The following AGMO variants were observed in gnomAD, a reference collection of about 807,000 sequenced individuals.
AGMO encodes the protein alkylglycerol monooxygenase, also known as glyceryl-ether monooxygenase.
In AGMO, 75 loss-of-function variants were observed where a neutral mutation model predicts 60.2. The observed-to-expected ratio is 1.25, with a 90% CI of 1.03 to 1.51. The LOEUF (loss-of-function observed/expected upper bound fraction) is 1.51, where lower values mean the gene tolerates loss of function less well. AGMO is among the 40% of genes most tolerant of loss of function. The pLI is 0.00. For missense variants in AGMO, 763 were observed against 525.5 expected (o/e 1.45, Z -4.42); for synonymous variants, 261 against 177.1 (o/e 1.47, Z -3.76).
At chr7:15,207,111 C>T (rs1479064214) in intron 12 of AGMO, among the ~76,000 whole-genome samples, 2 of 152,150 alleles carry the variant, frequency 1.3e-5, no homozygotes, top group Non-Finnish European at 2.9e-5. Context: ...TCAACTATCA[C>T]GATAACATTT....
At chr7:15,474,033 T>A (rs1437941651) in intron 3 of AGMO, among the ~76,000 whole-genome samples, 1 of 152,082 alleles carries the variant, frequency 6.6e-6, no homozygotes, top group African/African-American at 2.4e-5. Flanking sequence ...TACAAACCAC[T>A]GCTCAAGGAA....
intron 12 of AGMO, among the ~76,000 whole-genome samples, chr7:15,299,404 T>C (rs1784494541): frequency 6.6e-6 from 1 of 152,160 alleles, no homozygotes; most frequent in Non-Finnish European, 1.5e-5. Flanking sequence ...TCTGAACACC[T>C]TGAGAGAAAA....
Position 15,562,000 on chromosome 7 carries a change from G to T in AGMO, c.-155C>A, listed in dbSNP as rs1785324982. ...TCCACTGAGAGCACACTCAACAGCC[G>T]ATTCTGTGTAGAGAGACAGGAAAAT... On this transcript the variant is annotated 5_prime_UTR_variant, in exon 1 of 13. Coordinates refer to ENST00000342526, the MANE Select transcript of AGMO (RefSeq NM_001004320.2). 1.6e-6 allele frequency: 1 copy of T among 633,876 alleles called. No individual in the cohort carries two copies. The highest frequency in any genetic ancestry group is 3.0e-5 in the East Asian group (1 of 33,788). The allele number at this position is 633,876 out of a possible 1,614,324, so 39.3% of individuals were successfully genotyped here.
At chr7:15,478,398 A>C (rs1275127528) in intron 3 of AGMO, among the ~76,000 whole-genome samples, 1 of 152,184 alleles carries the variant, frequency 6.6e-6, no homozygotes, top group Non-Finnish European at 1.5e-5. Flanking sequence ...GAATCACTGA[A>C]AATACATTGA....
At chr7:15,466,727 T>C (rs1485272986) in intron 3 of AGMO, among the ~76,000 whole-genome samples, 3 of 152,098 alleles carry the variant, frequency 2.0e-5, no homozygotes, top group Non-Finnish European at 2.9e-5. Context: ...CGCTAAGGAG[T>C]TAAAGAAATT....
At chr7:15,388,864 G>A (rs1470469096) in intron 8 of AGMO, among the ~76,000 whole-genome samples, 1 of 152,164 alleles carries the variant, frequency 6.6e-6, no homozygotes, top group Non-Finnish European at 1.5e-5. Flanking sequence ...AAGTAAACAT[G>A]TAGAAGAGTA....
chr7:15,279,886 G>C (rs996894372), intron 12 of AGMO, among the ~76,000 whole-genome samples: 2 of 152,208 alleles, frequency 1.3e-5, no homozygotes, highest in Admixed American at 1.3e-4. Context: ...AGCAACAGTA[G>C]GGAGAGCCTT....
intron 10 of AGMO, among the ~76,000 whole-genome samples, chr7:15,379,865 T>A (rs1307791059): frequency 1.3e-5 from 2 of 152,086 alleles, no homozygotes; most frequent in Non-Finnish European, 2.9e-5. Context: ...CATACACAAA[T>A]CAGTCAATGT....
At chr7:15,484,939 G>C (rs922023483) in intron 3 of AGMO, among the ~76,000 whole-genome samples, 4 of 152,068 alleles carry the variant, frequency 2.6e-5, no homozygotes, top group African/African-American at 9.7e-5. Flanking sequence ...GGGTAGATGA[G>C]AAGTTCTAAG....
At chr7:15,355,719 A>G (rs1218019164) in intron 12 of AGMO, among the ~76,000 whole-genome samples, 1 of 152,126 alleles carries the variant, frequency 6.6e-6, no homozygotes, top group Non-Finnish European at 1.5e-5. Flanking sequence ...TGGATGGTAT[A>G]ATAGTACCAT....
At chr7:15,356,713 A>C (rs1163963658) in intron 12 of AGMO, among the ~76,000 whole-genome samples, 1 of 151,884 alleles carries the variant, frequency 6.6e-6, no homozygotes, top group Non-Finnish European at 1.5e-5. Context: ...AAATGTATCT[A>C]ATTTAATATC....
At chr7:15,167,393 G>C in the AGMO span, among the ~76,000 whole-genome samples, 17 of 152,218 alleles carry the variant, frequency 1.1e-4, no homozygotes, top group East Asian at 1.7e-3. Context: ...GGATTATGAA[G>C]AGACTTATAT....
chr7:15,293,770 A>G (rs956859897), intron 12 of AGMO, among the ~76,000 whole-genome samples: 1 of 152,306 alleles, frequency 6.6e-6, no homozygotes, highest in Non-Finnish European at 1.5e-5. Context: ...TATTAAACTA[A>G]TATTTTATGC....
intron 10 of AGMO, among the ~76,000 whole-genome samples, chr7:15,381,888 G>A (rs1783707230): frequency 2.0e-5 from 3 of 152,114 alleles, no homozygotes; most frequent in African/African-American, 7.2e-5. Context: ...GGATGGAGCT[G>A]GAGGCCATTA....
chr7:15,552,229 C>A (rs1280997417), intron 2 of AGMO, among the ~76,000 whole-genome samples: 1 of 152,106 alleles, frequency 6.6e-6, no homozygotes, highest in Non-Finnish European at 1.5e-5. Flanking sequence ...AGAAGAAAAC[C>A]TAGGCATTAC....
At chr7:15,144,817 T>G in the AGMO span, among the ~76,000 whole-genome samples, 1 of 152,140 alleles carries the variant, frequency 6.6e-6, no homozygotes, top group South Asian at 2.1e-4. Context: ...GTAACTTTTC[T>G]TTTTGTTTGT....
At chr7:15,418,123 A>G (rs888482588) in intron 5 of AGMO, among the ~76,000 whole-genome samples, 9 of 152,104 alleles carry the variant, frequency 5.9e-5, no homozygotes, top group African/African-American at 2.2e-4. Context: ...TTTTCCAATC[A>G]AAAATTATTT....
chr7:15,376,415 C>T (rs1434525677), intron 10 of AGMO, among the ~76,000 whole-genome samples: 10 of 151,778 alleles, frequency 6.6e-5, no homozygotes, highest in Non-Finnish European at 1.5e-4. Flanking sequence ...TATTAAAAAA[C>T]GCCAACATGA....
At chr7:15,276,439 A>T (rs1783790240) in intron 12 of AGMO, among the ~76,000 whole-genome samples, 1 of 151,908 alleles carries the variant, frequency 6.6e-6, no homozygotes, top group Non-Finnish European at 1.5e-5. Flanking sequence ...AGGTGATTTG[A>T]TGTTTCTCTC....
Sources: gnomAD v4.1 joint callset for allele counts (sites outside exome capture counted in the v4.1 genomes callset) on GRCh38, gnomAD v4.1.1 for gene constraint, MANE v1.5 for transcripts, NCBI Gene and HGNC (gene_info 2026-07-23, HGNC 2026-07-21) for gene names.